The following SLC26A7 variants were observed in gnomAD, a reference collection of about 807,000 sequenced individuals.
SLC26A7 encodes the protein anion exchange transporter.
Under a neutral mutation model 82.5 loss-of-function variants are expected in SLC26A7, and 59 were observed. The observed-to-expected ratio is 0.72, with a 90% CI of 0.58 to 0.89. The LOEUF is 0.89. Ranked by LOEUF, SLC26A7 falls within the 40% of genes least tolerant of loss-of-function variation. The pLI, the probability that SLC26A7 is intolerant of heterozygous loss-of-function variation, is 0.00. For missense variants in SLC26A7, 820 were observed against 793.0 expected (o/e 1.03, Z -0.41); for synonymous variants, 271 against 274.3 (o/e 0.99, Z 0.12).
intron 15 of SLC26A7, among the ~76,000 whole-genome samples, chr8:91,379,706 A>G (rs1814616712): frequency 6.6e-6 from 1 of 152,100 alleles, no homozygotes; most frequent in Non-Finnish European, 1.5e-5. Flanking sequence ...TTAGAAGAGC[A>G]TATAGGAAAA....
intron 13 of SLC26A7, 34 bp downstream of exon 13, chr8:91,363,572 G>A (rs1259874834): frequency 8.0e-7 from 1 of 1,242,714 alleles, no homozygotes; most frequent in Non-Finnish European, 1.1e-6. Flanking sequence ...TTATGCAATT[G>A]TTAATCATTT....
rs541043159 is a variant in SLC26A7, at chr8:91,372,138, T to C, written c.1675+2305T>C. Reference sequence around the variant, plus strand: ...CTTATAGATTCTAAATATTAGTCCTTTGTTGGATGCATGGTTTGTACATAT... The same window carrying C: ...CTTATAGATTCTAAATATTAGTCCTCTGTTGGATGCATGGTTTGTACATAT... On this transcript the variant is annotated intron_variant, in intron 15 of 18. Transcript: ENST00000276609. 3.3e-5 allele frequency among the ~76,000 whole-genome samples: 5 copies of C among 152,126 alleles called. 1 individual carries two copies. In the South Asian group the frequency reaches 6.2e-4, roughly 19 times the overall value.
chr8:91,264,747 A>AT (rs1811063856), intron 2 of SLC26A7, among the ~76,000 whole-genome samples: 7 of 152,066 alleles, frequency 4.6e-5, no homozygotes, highest in Admixed American at 2.6e-4. Context: ...ACTTGCCAAA[A>AT]ATTTTTTTTT....
intron 2 of SLC26A7, among the ~76,000 whole-genome samples, chr8:91,265,740 T>C (rs79485597): frequency 0.023 from 3,441 of 152,122 alleles, 116 homozygotes; most frequent in African/African-American, 0.077. Context: ...TGGGATTATT[T>C]GGATTTTCTT....
chr8:91,256,101 A>G (rs1810793530), intron 2 of SLC26A7, among the ~76,000 whole-genome samples: 1 of 152,132 alleles, frequency 6.6e-6, no homozygotes, highest in African/African-American at 2.4e-5. Flanking sequence ...CTAGACCAGG[A>G]TTCTCAAACT....
intron 12 of SLC26A7, 114 bp downstream of exon 12, chr8:91,362,573 A>G (rs1814079857): frequency 1.5e-6 from 1 of 670,436 alleles, no homozygotes; most frequent in Non-Finnish European, 2.5e-6. Context: ...TAGTACTACA[A>G]TCTCATGTTT....
At chr8:91,255,896 T>C (rs1810787645) in intron 2 of SLC26A7, among the ~76,000 whole-genome samples, 1 of 152,130 alleles carries the variant, frequency 6.6e-6, no homozygotes, top group Non-Finnish European at 1.5e-5. Flanking sequence ...ACATTGGCAG[T>C]GAGTGTCAGG....
intron 3 of SLC26A7, among the ~76,000 whole-genome samples, chr8:91,293,399 T>C (rs1811928753): frequency 6.6e-6 from 1 of 152,214 alleles, no homozygotes; most frequent in South Asian, 2.1e-4. Flanking sequence ...ATAGATAATA[T>C]AGAATGTCAT....
intron 1 of SLC26A7, among the ~76,000 whole-genome samples, chr8:91,212,868 AAAAATAACAAAAC>A (rs1404292141): frequency 8.0e-4 from 122 of 152,298 alleles, no homozygotes; most frequent in Non-Finnish European, 1.4e-3. Context: ...GTTTTATTCC[AAAAATAACAAAAC>A]AATTAGAGTA....
intron 4 of SLC26A7, among the ~76,000 whole-genome samples, chr8:91,306,872 T>C (rs1335041544): frequency 6.6e-6 from 1 of 151,734 alleles, no homozygotes; most frequent in Non-Finnish European, 1.5e-5. Context: ...ACGCTAAAAA[T>C]GGGAGAAAAT....
chr8:91,270,335 C>T (rs1394723961), intron 2 of SLC26A7, among the ~76,000 whole-genome samples: 2 of 152,154 alleles, frequency 1.3e-5, no homozygotes, highest in Non-Finnish European at 1.5e-5. Flanking sequence ...ATGCTGCACC[C>T]AAACTAAATC....
intron 15 of SLC26A7, among the ~76,000 whole-genome samples, chr8:91,374,830 T>G (rs539398358): frequency 1.1e-4 from 17 of 152,240 alleles, no homozygotes; most frequent in African/African-American, 4.1e-4. Context: ...CAGTGTGATA[T>G]TGAAGTCCCC....
intron 2 of SLC26A7, among the ~76,000 whole-genome samples, chr8:91,231,419 G>A (rs932087977): frequency 6.6e-6 from 1 of 152,136 alleles, no homozygotes. Context: ...TGTACAGAAG[G>A]CTCTTGTAAT....
At chr8:91,226,198 T>A (rs1005664260) in intron 2 of SLC26A7, among the ~76,000 whole-genome samples, 13 of 152,218 alleles carry the variant, frequency 8.5e-5, no homozygotes, top group Non-Finnish European at 1.9e-4. Context: ...TTTTAACCTA[T>A]GTTTCCAAGC....
chr8:91,228,594 T>C (rs1467869071), intron 2 of SLC26A7, among the ~76,000 whole-genome samples: 1 of 152,176 alleles, frequency 6.6e-6, no homozygotes, highest in African/African-American at 2.4e-5. Flanking sequence ...TTACTGGCTT[T>C]TATTCTTGTA....
intron 2 of SLC26A7, among the ~76,000 whole-genome samples, chr8:91,237,393 T>C (rs745339498): frequency 1.3e-5 from 2 of 152,254 alleles, no homozygotes; most frequent in Non-Finnish European, 2.9e-5. Flanking sequence ...CTGGCAATGC[T>C]TAGCTATTAC....
intron 13 of SLC26A7, 78 bp from the exon 14 acceptor site, chr8:91,366,502 G>C: frequency 6.8e-7 from 1 of 1,467,182 alleles, no homozygotes; most frequent in Non-Finnish European, 9.3e-7. Context: ...TTATAAAATT[G>C]AGTGACATTT....
In SLC26A7 at chr8:91,395,318, T is replaced by C; in HGVS notation, c.*221T>C. 6 of 1,204,066 alleles carry C rather than the reference T, an allele frequency of 5.0e-6. No homozygotes were observed. The highest frequency in any genetic ancestry group is 6.5e-6 in the Non-Finnish European group (6 of 925,660). 74.6% of individuals were successfully genotyped at this position (1,204,066 alleles called of 1,614,324 possible). On this transcript the variant is annotated 3_prime_UTR_variant, in exon 19 of 19. Transcript: ENST00000276609. Reference sequence around the variant, plus strand: ...TTCGCTTAGTTATTTTATGTAAAAATCAGTATGTGTTTAGTTTTAGTGTAC... The same window carrying C: ...TTCGCTTAGTTATTTTATGTAAAAACCAGTATGTGTTTAGTTTTAGTGTAC...
rs571129091 is a variant in SLC26A7, at chr8:91,308,481, A to G, written c.478-9735A>G. On this transcript the variant is annotated intron_variant, in intron 4 of 18. Coordinates refer to ENST00000276609, the MANE Select transcript of SLC26A7 (RefSeq NM_052832.4). ...ACAGTCTCACCACATCATAAACTAT[A>G]ACAACACTTATCATTGTTGATGTTA... Among the ~76,000 whole-genome samples the G allele has an allele frequency of 1.3e-4, 20 of 152,294 alleles. No homozygotes were observed. The South Asian group carries it at 2.5e-3, about 19-fold the overall frequency.
Sources: gnomAD v4.1 joint callset for allele counts (sites outside exome capture counted in the v4.1 genomes callset) on GRCh38, gnomAD v4.1.1 for gene constraint, MANE v1.5 for transcripts, NCBI Gene and HGNC (gene_info 2026-07-23, HGNC 2026-07-21) for gene names.